MRPL19: variants seen among roughly 807,000 people sequenced by gnomAD.
The protein encoded by MRPL19 is large ribosomal subunit protein bL19m.
In MRPL19, 31 loss-of-function variants were observed where a neutral mutation model predicts 34.0. The observed-to-expected ratio is 0.91, with a 90% confidence interval of 0.68 to 1.23. The LOEUF (loss-of-function observed/expected upper bound fraction) is 1.23. MRPL19 is among the 50% of genes most tolerant of loss of function. MRPL19 has a pLI of 0.00. For missense variants in MRPL19, 384 were observed against 367.6 expected, an observed-to-expected ratio of 1.04 and a Z score of -0.37; for synonymous variants, 152 against 127.7, an observed-to-expected ratio of 1.19 and a Z score of -1.28.
At position 75,646,832 on chromosome 2, in the gene MRPL19, C is replaced by G. The variant is rs942038343; in HGVS notation, c.25C>G (p.His9Asp). The change falls in exon 1 of 6, where the codon CAC becomes GAC. Residue 9 changes from histidine (H) to aspartate (D), a missense_variant. His to Asp is a moderately conservative substitution (Grantham distance 81, BLOSUM62 -1). Transcript: ENST00000393909. MAACIAAG[H>D]WAAMGLGRSF... ...CATGGCGGCCTGCATTGCAGCGGGG[C>G]ACTGGGCTGCAATGGGCCTAGGCCG... 5.7e-6 allele frequency: 9 copies of G among 1,581,890 alleles called. No individual in the cohort carries two copies. Among genetic ancestry groups the G allele is most frequent in the Non-Finnish European group, 7.7e-6 (9 of 1,163,978 alleles).
rs1427310092 is a variant in MRPL19 at position 75,659,418 on chromosome 2, T to G, written c.*4133T>G. On this transcript the variant is annotated 3_prime_UTR_variant, in exon 6 of 6. Coordinates refer to ENST00000393909, the MANE Select transcript of MRPL19 (RefSeq NM_014763.4). ...AAAGTGGAGTTAGAAAACAGTATGA[T>G]AGTAATACTGACTTTTATATTTGTC... Among the ~76,000 whole-genome samples, 1 of 152,150 alleles carries G rather than the reference T, an allele frequency of 6.6e-6. No homozygotes were observed. The highest frequency in any genetic ancestry group is 1.5e-5 in the Non-Finnish European group (1 of 68,012).
chr2:75,651,661 A>T (rs73936757), intron 2 of MRPL19: 545 of 331,256 alleles, frequency 1.6e-3, no homozygotes, highest in African/African-American at 0.01. Flanking sequence ...TTAAAAGTCA[A>T]TTTATAATTA....
In MRPL19 at chr2:75,652,132, T is replaced by G. The variant is rs1303997646; in HGVS notation, c.222-10T>G. 1.3e-6 allele frequency: 2 copies of G among 1,482,646 alleles called. No individual in the cohort carries two copies. Among genetic ancestry groups the G allele is most frequent in the East Asian group, 2.3e-5 (1 of 43,876 alleles). 91.8% of individuals were successfully genotyped at this position (1,482,646 alleles called of 1,614,324 possible). ...GTTTACTTTTAATTATTTATTTGTA[T>G]TTTTTACAGGTTCTTGAGTCCTGAA... On this transcript the variant is annotated splice_polypyrimidine_tract_variant and intron_variant, in intron 2 of 5. Transcript: ENST00000393909.
At chr2:75,653,228 T>A (rs571206840) in intron 4 of MRPL19, among the ~76,000 whole-genome samples, 1 of 152,334 alleles carries the variant, frequency 6.6e-6, no homozygotes, top group African/African-American at 2.4e-5. Context: ...GTTGTGTGCT[T>A]CATGAAGTTC....
Position 75,656,203 on chromosome 2 carries a change from T to C in MRPL19, c.*918T>C, listed in dbSNP as rs1295452777. 6.6e-6 allele frequency: 1 copy of C among 152,154 alleles called. No individual in the cohort carries two copies. The highest frequency in any genetic ancestry group is 1.5e-5 in the Non-Finnish European group (1 of 68,008). 9.4% of individuals were successfully genotyped at this position (152,154 alleles called of 1,614,324 possible). On this transcript the variant is annotated 3_prime_UTR_variant, in exon 6 of 6. Coordinates refer to ENST00000393909, the MANE Select transcript of MRPL19 (RefSeq NM_014763.4). ...TTAGGATTAGGTTAAAACAATACCT[T>C]TGGTATGATATGAGTGTTGTTGCTG... is the stretch of plus-strand genomic sequence containing the variant.
chr2:75,647,297 T>C (rs1678246205), intron 2 of MRPL19, 78 bp downstream of exon 2: 2 of 1,385,810 alleles, frequency 1.4e-6, no homozygotes, highest in Admixed American at 2.1e-5. Flanking sequence ...AGGTCCCGGC[T>C]CTAAGGTGGG....
At chr2:75,652,748 T>C in intron 4 of MRPL19, 91 bp downstream of exon 4, 1 of 1,421,498 alleles carries the variant, frequency 7.0e-7, no homozygotes, top group East Asian at 2.3e-5. Context: ...AATCTGAAAT[T>C]TGAAAGTAAA....
In MRPL19 at chr2:75,656,148, C is replaced by G. The variant is rs1678446705; in HGVS notation, c.*863C>G. ...AGAGGAAGTAAACTGTTTTTTGATG[C>G]TCACAGCATGATGAATCAAACTCTG... On this transcript the variant is annotated 3_prime_UTR_variant, in exon 6 of 6. Transcript: ENST00000393909. 6.6e-6 allele frequency: 1 copy of G among 152,134 alleles called. No individual in the cohort carries two copies. Among genetic ancestry groups the G allele is most frequent in the African/African-American group, 2.4e-5 (1 of 41,436 alleles). 9.4% of individuals were successfully genotyped at this position (152,134 alleles called of 1,614,324 possible). A position where few individuals can be genotyped will look rare whatever the true frequency, so the allele number is the denominator to read the frequency against.
chr2:75,652,588 A>T lies in MRPL19; in HGVS notation c.406A>T (p.Ile136Phe). 3.1e-6 allele frequency: 5 copies of T among 1,613,826 alleles called. No individual in the cohort carries two copies. Among genetic ancestry groups the T allele is most frequent in the East Asian group, 2.2e-5 (1 of 44,846 alleles). Reference sequence around the variant, plus strand: ...TGGAAAAATCAGCCAGTTTCTGGGGATTTGCATTCAGAGATCAGGAAGAGG... The same window carrying T: ...TGGAAAAATCAGCCAGTTTCTGGGGTTTTGCATTCAGAGATCAGGAAGAGG... ...ASGKISQFLGICIQRSGRGLG... is the reference protein window; with the variant it reads ...ASGKISQFLGFCIQRSGRGLG... Residue 136 changes from isoleucine to phenylalanine, a missense_variant, in exon 4 of 6, where the codon ATT becomes TTT. Transcript: ENST00000393909.
In MRPL19 at chr2:75,655,395, C is replaced by CT; in HGVS notation, c.*110_*111insT. The CT allele has an allele frequency of 1.3e-6, 1 of 759,144 alleles. No individual in the cohort carries two copies. Among genetic ancestry groups the CT allele is most frequent in the Non-Finnish European group, 2.1e-6 (1 of 484,268 alleles). 47.0% of individuals were successfully genotyped at this position (759,144 alleles called of 1,614,324 possible). On this transcript the variant is annotated 3_prime_UTR_variant, in exon 6 of 6. Coordinates refer to ENST00000393909, the MANE Select transcript of MRPL19 (RefSeq NM_014763.4). ...GAACATAGTAATTAAGTGAACTAAG[C>CT]ATTCATTGTTTTATTAATACTTTTT...
At chr2:75,648,477 C>T (rs188820199) in intron 2 of MRPL19, among the ~76,000 whole-genome samples, 3 of 152,182 alleles carry the variant, frequency 2.0e-5, no homozygotes, top group East Asian at 3.9e-4. Context: ...AATTAGAGCT[C>T]ACTTTTAAAC....
chr2:75,652,920 AAG>A (rs1207688510), intron 4 of MRPL19, among the ~76,000 whole-genome samples: 1 of 152,248 alleles, frequency 6.6e-6, no homozygotes, highest in African/African-American at 2.4e-5. Context: ...GGCAACATCA[AAG>A]AGGGGAATAA....
chr2:75,661,721 G>A lies in MRPL19; in HGVS notation c.*6436G>A, dbSNP rs538886045. On this transcript the variant is annotated 3_prime_UTR_variant, in exon 6 of 6. Coordinates refer to ENST00000393909, the MANE Select transcript of MRPL19 (RefSeq NM_014763.4). ...TCATTTCTCTTAATGTTTACAACAA[G>A]CTTGTTGCCAAGGCTGATCTTGAAC... is the stretch of plus-strand genomic sequence containing the variant. 1 of 152,082 alleles carries A rather than the reference G, an allele frequency of 6.6e-6. No individual in the cohort carries two copies. Among genetic ancestry groups the A allele is most frequent in the Admixed American group, 6.5e-5 (1 of 15,276 alleles). 9.4% of individuals were successfully genotyped at this position (152,082 alleles called of 1,614,324 possible). A position where few individuals can be genotyped will look rare whatever the true frequency, so the allele number is the denominator to read the frequency against.
At chr2:75,652,732 A>G (rs963810116) in intron 4 of MRPL19, 75 bp downstream of exon 4, 9 of 1,482,526 alleles carry the variant, frequency 6.1e-6, no homozygotes, top group Non-Finnish European at 7.3e-6. Flanking sequence ...GCATCCTGGG[A>G]TAAGAAATCT....
Position 75,659,710 on chromosome 2 carries a change from T to C in MRPL19, c.*4425T>C, listed in dbSNP as rs145836109. ...ATATGTCATCCCACTACCTTCTGAC[T>C]TCATGGTTTCTCATGAGATATTAGA... On this transcript the variant is annotated 3_prime_UTR_variant, in exon 6 of 6. Coordinates refer to ENST00000393909, the MANE Select transcript of MRPL19 (RefSeq NM_014763.4). Among the ~76,000 whole-genome samples, 2 of 152,330 alleles carry C rather than the reference T, an allele frequency of 1.3e-5. No homozygotes were observed. The highest frequency in any genetic ancestry group is 3.9e-4 in the East Asian group (2 of 5,194).
At chr2:75,652,361 A>G (rs1331778817) in intron 3 of MRPL19, 101 bp downstream of exon 3, 11 of 1,298,564 alleles carry the variant, frequency 8.5e-6, no homozygotes, top group Non-Finnish European at 1.2e-5. Flanking sequence ...TGTTTTTTAC[A>G]TATCTGGGTT....
chr2:75,656,723 T>G lies in MRPL19; in HGVS notation c.*1438T>G, dbSNP rs1678462941. ...CCATCATAAATTTCATGATGATGTG[T>G]CTTGGTGTGGGTCTATATTTATCCA... On this transcript the variant is annotated 3_prime_UTR_variant, in exon 6 of 6. Transcript: ENST00000393909. 6.6e-6 allele frequency: 1 copy of G among 152,184 alleles called. No individual in the cohort carries two copies. The highest frequency in any genetic ancestry group is 1.5e-5 in the Non-Finnish European group (1 of 68,020). The allele number at this position is 152,184 out of a possible 1,614,324, so 9.4% of individuals were successfully genotyped here.
In MRPL19 at chr2:75,646,803, C is replaced by T. The variant is rs1255278239; in HGVS notation, c.-5C>T. On this transcript the variant is annotated 5_prime_UTR_variant, in exon 1 of 6. Coordinates refer to ENST00000393909, the MANE Select transcript of MRPL19 (RefSeq NM_014763.4). ...GAGCTGTAGTCTTGACGTGAGCTAG[C>T]TGGCATGGCGGCCTGCATTGCAGCG... 1 of 1,510,800 alleles carries T rather than the reference C, an allele frequency of 6.6e-7. No homozygotes were observed. The highest frequency in any genetic ancestry group is 2.3e-5 in the Admixed American group (1 of 43,922). 93.6% of individuals were successfully genotyped at this position (1,510,800 alleles called of 1,614,324 possible). A position where few individuals can be genotyped will look rare whatever the true frequency, so the allele number is the denominator to read the frequency against.
intron 5 of MRPL19, 49 bp downstream of exon 5, chr2:75,654,966 G>T: frequency 6.6e-7 from 1 of 1,524,340 alleles, no homozygotes; most frequent in Non-Finnish European, 8.8e-7. Flanking sequence ...AAATAAGAAA[G>T]AAAGAATCAT....
Sources: allele counts gnomAD v4.1 joint callset (sites outside exome capture counted in the v4.1 genomes callset), GRCh38; gene constraint gnomAD v4.1.1; transcripts MANE v1.5; gene names NCBI Gene and HGNC (gene_info 2026-07-23, HGNC 2026-07-21).